The following SORBS2 variants were observed in gnomAD, a reference collection of about 807,000 sequenced individuals.
The protein encoded by SORBS2 is sorbin and SH3 domain containing 2, also known as sorbin and SH3 domain-containing protein 2.
A neutral mutation model predicts 97.7 loss-of-function variants in SORBS2; 46 were observed. The ratio of observed to expected loss-of-function variants is 0.47; its 90% CI spans 0.37 to 0.60. The LOEUF (loss-of-function observed/expected upper bound fraction) is 0.60. Among genes scored for constraint, SORBS2 ranks in the 20% least tolerant of loss-of-function variants. The probability of loss-of-function intolerance (pLI) is 0.00; values close to 1 mark genes in which losing one functional copy is unlikely to be tolerated. For missense variants in SORBS2, 1,316 were observed against 1,282.3 expected (o/e 1.03, Z -0.40); for synonymous variants, 476 against 473.4 (o/e 1.01, Z -0.07).
At chr4:185,725,154 T>C (rs939360354) in intron 2 of SORBS2, among the ~76,000 whole-genome samples, 1 of 152,222 alleles carries the variant, frequency 6.6e-6, no homozygotes, top group Non-Finnish European at 1.5e-5. Context: ...TTTTTGAGCA[T>C]TTCTCCTGTT....
At chr4:185,802,663 A>T (rs1432617745) in intron 1 of SORBS2, among the ~76,000 whole-genome samples, 1 of 152,158 alleles carries the variant, frequency 6.6e-6, no homozygotes, top group Non-Finnish European at 1.5e-5. Flanking sequence ...AGGAGGGGAA[A>T]CTCCAGATAC....
intron 2 of SORBS2, among the ~76,000 whole-genome samples, chr4:185,749,697 C>G (rs1041419575): frequency 1.3e-5 from 2 of 152,190 alleles, no homozygotes; most frequent in African/African-American, 4.8e-5. Flanking sequence ...GGTGCAAAAG[C>G]AGAATGGGCC....
intron 1 of SORBS2, among the ~76,000 whole-genome samples, chr4:185,915,092 C>A (rs568498274): frequency 6.6e-6 from 1 of 152,352 alleles, no homozygotes; most frequent in East Asian, 1.9e-4. Flanking sequence ...AAAGGATGAT[C>A]TGTGGACCAA....
chr4:185,731,295 C>A (rs539909063), intron 2 of SORBS2, among the ~76,000 whole-genome samples: 35 of 152,126 alleles, frequency 2.3e-4, no homozygotes, highest in Non-Finnish European at 4.7e-4. Context: ...ATTGAAAATA[C>A]CTCACGCATC....
At chr4:185,707,912 C>T (rs6552911) in intron 2 of SORBS2, among the ~76,000 whole-genome samples, 5,324 of 152,262 alleles carry the variant, frequency 0.035, 165 homozygotes, top group East Asian at 0.13. Flanking sequence ...ATTATGGGAG[C>T]TACAATTCAA....
At chr4:185,662,571 C>T (rs1445738648) in intron 4 of SORBS2, among the ~76,000 whole-genome samples, 1 of 152,192 alleles carries the variant, frequency 6.6e-6, no homozygotes, top group Non-Finnish European at 1.5e-5. Context: ...TGGAGGACGA[C>T]TTTGCTCTGA....
rs551294889 is a variant in SORBS2 at position 185,899,850 on chromosome 4, G to A, written c.-338+56346C>T. 6.6e-4 allele frequency among the ~76,000 whole-genome samples: 101 copies of A among 152,314 alleles called. 1 individual carries two copies. Among genetic ancestry groups the A allele is most frequent in the African/African-American group, 2.4e-3 (99 of 41,574 alleles). ...GGTTACCATACTGGACGCCATGGAA[G>A]ACTTATTAGAAGGGGGTAAAGTTGG... On this transcript the variant is annotated intron_variant, in intron 1 of 20. Transcript: ENST00000284776.
chr4:185,602,128 C>G (rs6819581), intron 12 of SORBS2, among the ~76,000 whole-genome samples: 96,719 of 151,464 alleles, frequency 0.64, 31,202 homozygotes, highest in East Asian at 0.92. Flanking sequence ...CTCTGCCTCA[C>G]CCTTCCGAGT....
In SORBS2 at chr4:185,649,721, A is replaced by C. The variant is rs532861823; in HGVS notation, c.92-65T>G. 3.8e-4 allele frequency: 417 copies of C among 1,094,632 alleles called. 5 individuals are homozygous for C. The South Asian group carries it at 0.014, about 36-fold the overall frequency. The allele number at this position is 1,094,632 out of a possible 1,614,324, so 67.8% of individuals were successfully genotyped here. Reference sequence around the variant, plus strand: ...CAAATCACCTCTTAAAAATGAATTAAATTATTTGTCCCCCTCAAAATAGCC... The same window carrying C: ...CAAATCACCTCTTAAAAATGAATTACATTATTTGTCCCCCTCAAAATAGCC... On this transcript the variant is annotated intron_variant, in intron 2 of 14. Coordinates refer to ENST00000418609, the Ensembl canonical transcript of SORBS2.
intron 1 of SORBS2, among the ~76,000 whole-genome samples, chr4:185,864,661 A>G (rs1400959800): frequency 6.6e-6 from 1 of 152,224 alleles, no homozygotes; most frequent in African/African-American, 2.4e-5. Flanking sequence ...CTATAATCCC[A>G]GCACTTTGGG....
chr4:185,892,355 G>C (rs755523441), intron 1 of SORBS2, among the ~76,000 whole-genome samples: 2 of 152,160 alleles, frequency 1.3e-5, no homozygotes, highest in African/African-American at 2.4e-5. Flanking sequence ...ACATCCACTA[G>C]AGAGCTCTGC....
chr4:185,933,774 C>T (rs1055154306), intron 1 of SORBS2, among the ~76,000 whole-genome samples: 3 of 152,092 alleles, frequency 2.0e-5, no homozygotes, highest in African/African-American at 7.2e-5. Flanking sequence ...AAGTCACATA[C>T]GTAGGTACTG....
intron 1 of SORBS2, among the ~76,000 whole-genome samples, chr4:185,949,979 C>T (rs976663340): frequency 4.6e-5 from 7 of 152,250 alleles, no homozygotes; most frequent in Non-Finnish European, 7.4e-5. Context: ...TGAGGCCAGA[C>T]ACAGTGGCTC....
rs11938849 is a variant in SORBS2, at chr4:185,693,036, G to C, written c.-197-14214C>G. On this transcript the variant is annotated intron_variant, in intron 2 of 20. Transcript: ENST00000284776. Reference sequence around the variant, plus strand: ...TGTCATATCGTTGTCCGTCTGCCCTGGGCATCATTGCAGTGTAGGGAGCAG... The same window carrying C: ...TGTCATATCGTTGTCCGTCTGCCCTCGGCATCATTGCAGTGTAGGGAGCAG... Among the ~76,000 whole-genome samples, 1,428 of 152,234 alleles carry C rather than the reference G, an allele frequency of 9.4e-3. 18 individuals are homozygous for C. The highest frequency in any genetic ancestry group is 0.03 in the African/African-American group (1,237 of 41,554).
At chr4:185,737,926 C>T (rs989160549) in intron 2 of SORBS2, among the ~76,000 whole-genome samples, 3 of 152,226 alleles carry the variant, frequency 2.0e-5, no homozygotes, top group African/African-American at 7.2e-5. Flanking sequence ...GGGGCACAGG[C>T]GCTCCCCAGT....
chr4:185,667,159 ACAC>A (rs1198019577), intron 4 of SORBS2, among the ~76,000 whole-genome samples: 5 of 152,190 alleles, frequency 3.3e-5, no homozygotes, highest in African/African-American at 1.2e-4. Flanking sequence ...TTCAGAACAG[ACAC>A]TTTTTGGAGG....
At chr4:185,736,004 T>G (rs1437763769) in intron 2 of SORBS2, among the ~76,000 whole-genome samples, 1 of 152,244 alleles carries the variant, frequency 6.6e-6, no homozygotes. Flanking sequence ...GCCTGTGATA[T>G]TTCCCATTTG....
intron 1 of SORBS2, among the ~76,000 whole-genome samples, chr4:185,653,296 T>C (rs1008018060): frequency 7.2e-5 from 11 of 152,194 alleles, no homozygotes; most frequent in African/African-American, 2.7e-4. Context: ...TAGATATTGC[T>C]TCAAAAATGC....
Position 185,862,296 on chromosome 4 carries a change from G to T in SORBS2, c.-337-86930C>A, listed in dbSNP as rs538741157. Among the ~76,000 whole-genome samples the T allele has an allele frequency of 3.1e-4, 47 of 152,366 alleles. No individual in the cohort carries two copies. The South Asian group carries it at 7.9e-3, about 26-fold the overall frequency. Reference sequence around the variant, plus strand: ...ACTGCACACAGGCAGATTCTGCAGGGCCTTGAGCCTTGTAGGACATGGTAT... The same window carrying T: ...ACTGCACACAGGCAGATTCTGCAGGTCCTTGAGCCTTGTAGGACATGGTAT... On this transcript the variant is annotated intron_variant, in intron 1 of 20. Coordinates refer to the SORBS2 transcript ENST00000284776.
Sources: gnomAD v4.1 joint callset for allele counts (sites outside exome capture counted in the v4.1 genomes callset) on GRCh38, gnomAD v4.1.1 for gene constraint, MANE v1.5 for transcripts, NCBI Gene and HGNC (gene_info 2026-07-23, HGNC 2026-07-21) for gene names.